Variants in SCHIP1 observed in about 807,000 individuals in gnomAD.
SCHIP1 encodes the protein schwannomin-interacting protein 1.
A neutral mutation model predicts 29.7 loss-of-function variants in SCHIP1; 8 were observed. The observed-to-expected ratio is 0.27, with a 90% CI of 0.16 to 0.49. The LOEUF (loss-of-function observed/expected upper bound fraction) is 0.49, where lower values mean the gene tolerates loss of function less well. Ranked by LOEUF, SCHIP1 falls within the 20% of genes least tolerant of loss-of-function variation. The pLI is 0.99. For synonymous variants in SCHIP1, 76 were observed against 94.9 expected (o/e 0.80, Z 1.16); for missense variants, 193 against 294.6 (o/e 0.66, Z 2.52).
At chr3:159,876,462 T>A (rs1715822940) in intron 2 of SCHIP1, among the ~76,000 whole-genome samples, 2 of 152,342 alleles carry the variant, frequency 1.3e-5, no homozygotes, top group South Asian at 4.1e-4. Flanking sequence ...ATGGGGTTAC[T>A]GTGAGGAAGA....
At chr3:159,294,985 A>G in the SCHIP1 span, among the ~76,000 whole-genome samples, 1 of 152,106 alleles carries the variant, frequency 6.6e-6, no homozygotes, top group African/African-American at 2.4e-5. Flanking sequence ...TCCTTACCTC[A>G]TTACAATTTT....
the SCHIP1 span, chr3:159,273,695 G>A: frequency 6.7e-7 from 1 of 1,493,230 alleles, no homozygotes; most frequent in Non-Finnish European, 8.9e-7. Context: ...TATTTAGTGT[G>A]TGTTATAGAA....
chr3:159,820,720 G>C, the SCHIP1 span, among the ~76,000 whole-genome samples: 1 of 152,226 alleles, frequency 6.6e-6, no homozygotes, highest in East Asian at 1.9e-4. Flanking sequence ...TATGCAAGTG[G>C]AAATGAGCAG....
chr3:159,789,180 C>T, the SCHIP1 span, among the ~76,000 whole-genome samples: 9 of 152,058 alleles, frequency 5.9e-5, no homozygotes, highest in Admixed American at 1.3e-4. Flanking sequence ...CATGCAGTTT[C>T]GAGGGCTGGC....
the SCHIP1 span, among the ~76,000 whole-genome samples, chr3:159,633,282 C>A: frequency 1.3e-5 from 2 of 152,156 alleles, no homozygotes; most frequent in African/African-American, 4.8e-5. Context: ...TAAGGAAGCT[C>A]ATCCCACAAG....
the SCHIP1 span, among the ~76,000 whole-genome samples, chr3:159,775,472 G>A: frequency 6.6e-6 from 1 of 152,204 alleles, no homozygotes; most frequent in African/African-American, 2.4e-5. Context: ...CCCCTCAGCA[G>A]CACACACCCC....
the SCHIP1 span, among the ~76,000 whole-genome samples, chr3:159,586,661 C>T: frequency 6.6e-6 from 1 of 152,100 alleles, no homozygotes; most frequent in Admixed American, 6.6e-5. Context: ...TTGCTTATCT[C>T]ATTTCCTGCC....
the SCHIP1 span, among the ~76,000 whole-genome samples, chr3:159,523,556 T>C: frequency 7.9e-5 from 12 of 152,130 alleles, no homozygotes; most frequent in Admixed American, 3.3e-4. Flanking sequence ...TGTCTGTAAA[T>C]GTGTATATAA....
At chr3:159,871,830 T>C (rs1715323120) in intron 2 of SCHIP1, among the ~76,000 whole-genome samples, 1 of 152,158 alleles carries the variant, frequency 6.6e-6, no homozygotes, top group Admixed American at 6.5e-5. Flanking sequence ...AGTCTCAACC[T>C]CTTAAGACAA....
chr3:159,655,904 A>T, the SCHIP1 span, among the ~76,000 whole-genome samples: 1 of 152,182 alleles, frequency 6.6e-6, no homozygotes, highest in Non-Finnish European at 1.5e-5. Flanking sequence ...AAAAAAAATA[A>T]AAGTAAAGAA....
the SCHIP1 span, among the ~76,000 whole-genome samples, chr3:159,425,797 G>A: frequency 3.3e-5 from 5 of 152,092 alleles, no homozygotes; most frequent in South Asian, 8.3e-4. Flanking sequence ...TGGAAGTAAA[G>A]CTCTCCTCAG....
the SCHIP1 span, among the ~76,000 whole-genome samples, chr3:159,452,139 T>TC: frequency 3.0e-5 from 3 of 99,682 alleles, no homozygotes; most frequent in African/African-American, 1.0e-4. Context: ...CATTTCTTCT[T>TC]TTTTTTTTTT....
the SCHIP1 span, among the ~76,000 whole-genome samples, chr3:159,392,654 A>G: frequency 1.3e-5 from 2 of 151,894 alleles, no homozygotes; most frequent in Non-Finnish European, 2.9e-5. Flanking sequence ...ATCATTTTTT[A>G]TGGCTGCATA....
chr3:159,660,205 A>G, the SCHIP1 span, among the ~76,000 whole-genome samples: 2 of 152,122 alleles, frequency 1.3e-5, no homozygotes, highest in Non-Finnish European at 2.9e-5. Flanking sequence ...CTCTCTCCTT[A>G]TCTCTACCAC....
At chr3:159,705,767 C>T in the SCHIP1 span, among the ~76,000 whole-genome samples, 180 of 152,174 alleles carry the variant, frequency 1.2e-3, no homozygotes, top group African/African-American at 4.2e-3. Context: ...AGTGCAGTGG[C>T]GCGATCTCGG....
chr3:159,740,288 C>A, the SCHIP1 span, among the ~76,000 whole-genome samples: 5 of 152,200 alleles, frequency 3.3e-5, no homozygotes, highest in Non-Finnish European at 7.3e-5. Flanking sequence ...GCAGGCCATA[C>A]CCACACTGGT....
At chr3:159,731,057 G>A in the SCHIP1 span, among the ~76,000 whole-genome samples, 4 of 152,142 alleles carry the variant, frequency 2.6e-5, no homozygotes, top group Admixed American at 2.0e-4. Context: ...ATAATCAAGC[G>A]CCAAATTCCG....
At chr3:159,701,847 A>G in the SCHIP1 span, among the ~76,000 whole-genome samples, 9 of 152,078 alleles carry the variant, frequency 5.9e-5, no homozygotes, top group African/African-American at 2.2e-4. Context: ...AATAGGAGAC[A>G]TTGGGCAGAC....
chr3:159,395,520 T>A, the SCHIP1 span, among the ~76,000 whole-genome samples: 1 of 151,704 alleles, frequency 6.6e-6, no homozygotes, highest in Non-Finnish European at 1.5e-5. Context: ...GTATGTTGTG[T>A]CTTTGTTCTC....
Sources: allele counts gnomAD v4.1 joint callset (sites outside exome capture counted in the v4.1 genomes callset), GRCh38; gene constraint gnomAD v4.1.1; transcripts MANE v1.5; gene names NCBI Gene and HGNC (gene_info 2026-07-23, HGNC 2026-07-21).